The following MICAL2 variants were observed in gnomAD, a reference collection of about 807,000 sequenced individuals.
The protein encoded by MICAL2 is microtubule associated monooxygenase, calponin and LIM domain containing 2, also known as [F-actin]-monooxygenase MICAL2.
MICAL2 carries 77 observed loss-of-function variants against 127.3 expected under a neutral mutation model. The ratio of observed to expected loss-of-function variants is 0.60; its 90% CI spans 0.50 to 0.73. MICAL2 has a LOEUF of 0.73. Ranked by LOEUF, MICAL2 falls within the 30% of genes least tolerant of loss-of-function variation. The pLI is 0.00. For missense variants in MICAL2, 1,351 were observed against 1,434.4 expected (o/e 0.94, Z 0.94); for synonymous variants, 570 against 551.1 (o/e 1.03, Z -0.48).
chr11:12,262,336 T>C, intron 26 of MICAL2, 144 bp from the exon 27 acceptor site: 1 of 1,516,418 alleles, frequency 6.6e-7, no homozygotes, highest in Non-Finnish European at 8.8e-7. Flanking sequence ...AGCGACTCTT[T>C]CAGAGGAAGT....
chr11:12,168,862 G>A (rs970790281), intron 3 of MICAL2, among the ~76,000 whole-genome samples: 2 of 150,484 alleles, frequency 1.3e-5, no homozygotes, highest in East Asian at 2.0e-4. Context: ...TGGGAGGATC[G>A]CTTGAGCCCA....
At chr11:12,270,619 A>T (rs896870528) in intron 24 of MICAL2, among the ~76,000 whole-genome samples, 1 of 152,036 alleles carries the variant, frequency 6.6e-6, no homozygotes, top group Non-Finnish European at 1.5e-5. Flanking sequence ...TCCTGTCTGG[A>T]TGCTTCTGTT....
chr11:12,312,836 G>T (rs1864189083), intron 29 of MICAL2, among the ~76,000 whole-genome samples: 1 of 152,032 alleles, frequency 6.6e-6, no homozygotes, highest in Non-Finnish European at 1.5e-5. Flanking sequence ...CTTTATTTTG[G>T]GTATGGGGCA....
chr11:12,117,067 C>A (rs545996011), intron 1 of MICAL2, among the ~76,000 whole-genome samples: 65 of 152,342 alleles, frequency 4.3e-4, no homozygotes, highest in African/African-American at 1.5e-3. Flanking sequence ...TGTCCTGATA[C>A]CTTGAGGCAC....
intron 3 of MICAL2, among the ~76,000 whole-genome samples, chr11:12,191,393 A>C: frequency 6.7e-6 from 1 of 150,228 alleles, no homozygotes; most frequent in Non-Finnish European, 1.5e-5. Context: ...AGTTGCTTGA[A>C]CCTGGAAGGC....
chr11:12,153,714 C>G (rs950821490), intron 2 of MICAL2, among the ~76,000 whole-genome samples: 2 of 152,210 alleles, frequency 1.3e-5, no homozygotes, highest in African/African-American at 4.8e-5. Flanking sequence ...TCCCCACTTC[C>G]CCCAGATCCT....
chr11:12,358,286 T>A, intron 34 of MICAL2: 1 of 1,611,588 alleles, frequency 6.2e-7, no homozygotes, highest in Non-Finnish European at 8.5e-7. Flanking sequence ...TTTTCTTTTT[T>A]TTCTTTAGAG....
chr11:12,294,677 CAAAG>C, downstream of MICAL2: 1 of 1,614,178 alleles, frequency 6.2e-7, no homozygotes, highest in Non-Finnish European at 8.5e-7. Flanking sequence ...AGAATCCAGA[CAAAG>C]AAAGGACATC....
At chr11:12,246,321 G>A (rs940430185) in intron 21 of MICAL2, among the ~76,000 whole-genome samples, 4 of 152,200 alleles carry the variant, frequency 2.6e-5, no homozygotes, top group Admixed American at 1.3e-4. Flanking sequence ...CTGAGGACTC[G>A]GCTCCCTATC....
chr11:12,320,144 A>T (rs1864277305), intron 30 of MICAL2, among the ~76,000 whole-genome samples: 1 of 152,224 alleles, frequency 6.6e-6, no homozygotes, highest in Non-Finnish European at 1.5e-5. Flanking sequence ...GCAGATGCAT[A>T]TTTCCCTGGG....
intron 3 of MICAL2, among the ~76,000 whole-genome samples, chr11:12,192,101 T>A (rs1362154952): frequency 7.2e-6 from 1 of 138,406 alleles, no homozygotes; most frequent in Non-Finnish European, 1.6e-5. Context: ...TGGGGAGGGA[T>A]GCATTGGACA....
At chr11:12,226,477 T>C in intron 14 of MICAL2, 107 bp downstream of exon 14, 3 of 1,169,934 alleles carry the variant, frequency 2.6e-6, no homozygotes, top group African/African-American at 1.5e-5. Flanking sequence ...GGCTGCCCAG[T>C]GTGTTCCCCT....
intron 3 of MICAL2, among the ~76,000 whole-genome samples, chr11:12,175,482 A>C (rs545197462): frequency 6.6e-6 from 1 of 151,870 alleles, no homozygotes; most frequent in Non-Finnish European, 1.5e-5. Context: ...GGTCGAAAAC[A>C]AAAAAAAGAA....
In MICAL2 at chr11:12,185,194, T is replaced by TG. The variant is rs1565118306; in HGVS notation, c.265-19050dup. On this transcript the variant is annotated intron_variant, in intron 3 of 27. Transcript: ENST00000683283. ...GTGGGTGGCTGGATGGATGGATGGG[T>TG]GGGGGGATGGGTGGGTGGCAGGATG... Among the ~76,000 whole-genome samples the TG allele has an allele frequency of 6.7e-4, 3 of 4,506 alleles. No individual in the cohort carries two copies. The South Asian group carries it at 0.014, about 22-fold the overall frequency. The allele number at this position is 4,506 out of a possible 152,430, so 3.0% of individuals were successfully genotyped here.
chr11:12,112,123 G>A (rs1849656685), intron 1 of MICAL2, among the ~76,000 whole-genome samples: 2 of 152,206 alleles, frequency 1.3e-5, no homozygotes, highest in Non-Finnish European at 1.5e-5. Context: ...CACACAACAA[G>A]TGTCTGAGCC....
At chr11:12,293,368 G>C (rs770522736), downstream of MICAL2, among the ~76,000 whole-genome samples, 9 of 152,090 alleles carry the variant, frequency 5.9e-5, no homozygotes, top group Non-Finnish European at 1.2e-4. Context: ...GCAGATCCTG[G>C]CAGGACCCAA....
At chr11:12,262,440 A>T in intron 26 of MICAL2, 40 bp from the exon 27 acceptor site, 1 of 1,611,620 alleles carries the variant, frequency 6.2e-7, no homozygotes, top group Non-Finnish European at 8.5e-7. Flanking sequence ...TCTCTTTTCT[A>T]TCTTTCTCTC....
intron 29 of MICAL2, among the ~76,000 whole-genome samples, chr11:12,319,530 T>C (rs1362676306): frequency 2.0e-5 from 3 of 152,038 alleles, no homozygotes; most frequent in Non-Finnish European, 2.9e-5. Context: ...GGCCAAATTT[T>C]CAGTTGCCCT....
intron 16 of MICAL2, among the ~76,000 whole-genome samples, chr11:12,236,965 A>G (rs1859163108): frequency 6.6e-6 from 1 of 152,208 alleles, no homozygotes; most frequent in African/African-American, 2.4e-5. Flanking sequence ...GGCATGAGGG[A>G]CGGTCTGTAT....
Sources: allele counts gnomAD v4.1 joint callset (sites outside exome capture counted in the v4.1 genomes callset), GRCh38; gene constraint gnomAD v4.1.1; transcripts MANE v1.5; gene names NCBI Gene and HGNC (gene_info 2026-07-23, HGNC 2026-07-21).